Variants in RNF144A observed in about 807,000 individuals in gnomAD.
RNF144A encodes the protein E3 ubiquitin-protein ligase RNF144A.
A neutral mutation model predicts 38.7 loss-of-function variants in RNF144A; 11 were observed. That is an observed-to-expected ratio of 0.28 (90% confidence interval 0.18 to 0.47). RNF144A has a LOEUF of 0.47. Ranked by LOEUF, RNF144A falls within the 20% of genes least tolerant of loss-of-function variation. The pLI is 0.99. For synonymous variants in RNF144A, 149 were observed against 143.9 expected, an observed-to-expected ratio of 1.04 and a Z score of -0.25; for missense variants, 316 against 377.2, an observed-to-expected ratio of 0.84 and a Z score of 1.34.
chr2:7,004,787 T>C (rs915970300), intron 3 of RNF144A, among the ~76,000 whole-genome samples: 5 of 152,198 alleles, frequency 3.3e-5, no homozygotes, highest in African/African-American at 1.2e-4. Flanking sequence ...AAACTTACAA[T>C]AGCATTTCAC....
intron 2 of RNF144A, among the ~76,000 whole-genome samples, chr2:6,972,082 A>G (rs1330201064): frequency 6.6e-6 from 1 of 152,142 alleles, no homozygotes; most frequent in Non-Finnish European, 1.5e-5. Context: ...ACAAACTTAT[A>G]CAAGTAACTT....
downstream of RNF144A, among the ~76,000 whole-genome samples, chr2:7,071,694 T>C (rs1331903071): frequency 6.6e-6 from 1 of 152,224 alleles, no homozygotes; most frequent in East Asian, 1.9e-4. Context: ...GCTGAATGGA[T>C]TCCCTTCTGG....
intron 2 of RNF144A, among the ~76,000 whole-genome samples, chr2:6,982,509 A>G (rs182330810): frequency 2.5e-3 from 374 of 152,366 alleles, no homozygotes; most frequent in African/African-American, 8.4e-3. Flanking sequence ...GCAATTATTT[A>G]TATTCAAATA....
At chr2:7,026,780 C>G (rs112064720) in intron 7 of RNF144A, among the ~76,000 whole-genome samples, 3 of 152,156 alleles carry the variant, frequency 2.0e-5, no homozygotes, top group African/African-American at 7.2e-5. Context: ...CTTGTCTGCT[C>G]TAGTCCCTGA....
intron 3 of RNF144A, among the ~76,000 whole-genome samples, chr2:7,011,267 T>C (rs13000346): frequency 6.0e-4 from 92 of 152,234 alleles, no homozygotes; most frequent in Non-Finnish European, 8.5e-4. Flanking sequence ...CTTTTTACGG[T>C]GATGGGCACC....
chr2:6,958,373 G>GC lies in RNF144A; in HGVS notation c.-12+17226_-12+17227insC, dbSNP rs1558383629. ...CCTTGCTTTCCTCCCCGACACCCAG[G>GC]TGACCACCCAGTTTGGGAGGAAAAC... On this transcript the variant is annotated intron_variant, in intron 2 of 8. Coordinates refer to ENST00000320892, the MANE Select transcript of RNF144A (RefSeq NM_014746.6). This position sits in a 1 kb window ranked among gnomAD's most constrained non-coding sequence, Gnocchi z 4.5. Among the ~76,000 whole-genome samples, 3 of 152,190 alleles carry GC rather than the reference G, an allele frequency of 2.0e-5. No individual in the cohort carries two copies. The highest frequency in any genetic ancestry group is 4.1e-4 in the South Asian group (2 of 4,830).
the RNF144A span, among the ~76,000 whole-genome samples, chr2:7,075,281 T>TTCC: frequency 6.9e-6 from 1 of 144,418 alleles, no homozygotes; most frequent in African/African-American, 2.6e-5. Context: ...AGCTGGAACA[T>TTCC]CCCCCCCCCC....
At chr2:7,007,453 TG>T (rs1473625876) in intron 3 of RNF144A, among the ~76,000 whole-genome samples, 1 of 152,234 alleles carries the variant, frequency 6.6e-6, no homozygotes. Context: ...TCTGTGCATG[TG>T]TCCCCTTCTG....
intron 2 of RNF144A, among the ~76,000 whole-genome samples, chr2:6,968,560 G>A (rs540173154): frequency 5.9e-5 from 9 of 152,294 alleles, no homozygotes; most frequent in African/African-American, 1.9e-4. Context: ...CTGGCCCATC[G>A]CCTGGTCTTG....
At chr2:6,918,399 T>C (rs879730003) in intron 1 of RNF144A, 9 of 152,526 alleles carry the variant, frequency 5.9e-5, no homozygotes, top group Non-Finnish European at 1.2e-4. Flanking sequence ...GTGACTTCTT[T>C]ACCCTAATGG....
intron 2 of RNF144A, among the ~76,000 whole-genome samples, chr2:6,970,294 A>T: frequency 6.6e-6 from 1 of 152,196 alleles, no homozygotes; most frequent in East Asian, 1.9e-4. Context: ...AGTGGGTCTC[A>T]TGAGATCTGA....
At chr2:7,027,228 C>T (rs1004400042) in intron 7 of RNF144A, among the ~76,000 whole-genome samples, 1 of 152,266 alleles carries the variant, frequency 6.6e-6, no homozygotes, top group Non-Finnish European at 1.5e-5. Context: ...TCCTCATCTG[C>T]ACCTGGCCAA....
chr2:6,961,485 G>A (rs990140042), intron 2 of RNF144A, among the ~76,000 whole-genome samples: 8 of 152,054 alleles, frequency 5.3e-5, no homozygotes, highest in African/African-American at 1.9e-4. Flanking sequence ...GAGTCCCTGC[G>A]ATCCAGAGTA....
chr2:7,015,003 A>G (rs1282547472), intron 5 of RNF144A, among the ~76,000 whole-genome samples: 1 of 152,196 alleles, frequency 6.6e-6, no homozygotes, highest in Non-Finnish European at 1.5e-5. Context: ...TATGGAACAC[A>G]ATTTGTTTAT....
intron 1 of RNF144A, among the ~76,000 whole-genome samples, chr2:6,924,343 G>T (rs574397640): frequency 1.3e-5 from 2 of 152,264 alleles, no homozygotes; most frequent in Non-Finnish European, 2.9e-5. Flanking sequence ...AGCATAGGAC[G>T]TGGCCTTTGC....
At chr2:6,976,349 TAA>T (rs1386973262) in intron 2 of RNF144A, among the ~76,000 whole-genome samples, 1 of 152,194 alleles carries the variant, frequency 6.6e-6, no homozygotes, top group Non-Finnish European at 1.5e-5. Flanking sequence ...TCTCTTCTTA[TAA>T]TTGTGTTTGT....
intron 1 of RNF144A, among the ~76,000 whole-genome samples, chr2:6,928,594 C>T (rs1293829620): frequency 2.0e-5 from 3 of 152,216 alleles, no homozygotes; most frequent in Non-Finnish European, 4.4e-5. Context: ...TGCTGTCCTC[C>T]ACTGGCCTCC....
chr2:6,996,400 G>A (rs1351688311), intron 2 of RNF144A, among the ~76,000 whole-genome samples: 2 of 152,170 alleles, frequency 1.3e-5, no homozygotes, highest in Non-Finnish European at 2.9e-5. Flanking sequence ...GGATGGGTGT[G>A]TGGGTGAGTT....
intron 6 of RNF144A, among the ~76,000 whole-genome samples, chr2:7,023,132 ATCTG>A (rs1430450529): frequency 1.3e-5 from 2 of 152,170 alleles, no homozygotes; most frequent in African/African-American, 4.8e-5. Flanking sequence ...CACAGCTAGG[ATCTG>A]TCTGTCTCAA....
Sources: allele counts gnomAD v4.1 joint callset (sites outside exome capture counted in the v4.1 genomes callset), GRCh38; gene constraint gnomAD v4.1.1; non-coding constraint Gnocchi (gnomAD v3.1); transcripts MANE v1.5; gene names NCBI Gene and HGNC (gene_info 2026-07-23, HGNC 2026-07-21).